Variants in TRPV1 observed in about 807,000 individuals in gnomAD.
TRPV1 encodes transient receptor potential cation channel subfamily V member 1.
TRPV1 carries 82 observed loss-of-function variants against 82.3 expected under a neutral mutation model. That is an observed-to-expected ratio of 1.00 (90% CI 0.83 to 1.20). The LOEUF (loss-of-function observed/expected upper bound fraction) is 1.20, where lower values mean the gene tolerates loss of function less well. TRPV1 is among the 50% of genes most tolerant of loss of function. The pLI is 0.00. For synonymous variants in TRPV1, 515 were observed against 467.7 expected, an observed-to-expected ratio of 1.10 and a Z score of -1.30; for missense variants, 1,067 against 1,096.8, an observed-to-expected ratio of 0.97 and a Z score of 0.38.
chr17:3,566,685 T>G lies in TRPV1; in HGVS notation c.*130A>C. Reference sequence around the variant, plus strand: ...CTTCCCACAGCTTGTCCAGCACAGATTTGGGAACATGCTGGGCAGGCACAG... The same window carrying G: ...CTTCCCACAGCTTGTCCAGCACAGAGTTGGGAACATGCTGGGCAGGCACAG... On this transcript the variant is annotated 3_prime_UTR_variant, in exon 17 of 17. Coordinates refer to ENST00000572705, the MANE Select transcript of TRPV1 (RefSeq NM_080704.4). 1 of 1,150,508 alleles carries G rather than the reference T, an allele frequency of 8.7e-7. No homozygotes were observed. Among genetic ancestry groups the G allele is most frequent in the Non-Finnish European group, 1.2e-6 (1 of 828,194 alleles). The allele number at this position is 1,150,508 out of a possible 1,614,324, so 71.3% of individuals were successfully genotyped here.
chr17:3,594,142 A>AAC (rs2075194766), intron 2 of TRPV1, among the ~76,000 whole-genome samples: 2 of 125,134 alleles, frequency 1.6e-5, no homozygotes, highest in South Asian at 2.2e-4. Flanking sequence ...AAAAAAAAAA[A>AAC]AAAAAAAAAA....
Position 3,591,166 on chromosome 17 carries a change from C to A in TRPV1, c.451+21G>T, listed in dbSNP as rs201049172. 3.1e-6 allele frequency: 5 copies of A among 1,607,752 alleles called. No individual in the cohort carries two copies. In the Admixed American group the frequency reaches 8.5e-5, roughly 27 times the overall value. ...GGCAGGCCAGGGCTGGGGCCCTCCC[C>A]GAGCCCAGCGCTGGGGCCACCTTTG... On this transcript the variant is annotated intron_variant, in intron 4 of 16. Transcript: ENST00000572705.
chr17:3,571,663 G>C (rs1046001039), intron 15 of TRPV1, 24 bp from the exon 16 acceptor site: 3 of 1,566,854 alleles, frequency 1.9e-6, no homozygotes, highest in Non-Finnish European at 2.6e-6. Context: ...GGTCGGGAGA[G>C]CCTGAGAGCT....
intron 12 of TRPV1, 109 bp downstream of exon 12, chr17:3,577,489 G>GCC: frequency 7.4e-7 from 1 of 1,355,602 alleles, no homozygotes; most frequent in Non-Finnish European, 1.0e-6. Flanking sequence ...GGGTAAACCA[G>GCC]CCCCTTCCCA....
intron 2 of TRPV1, among the ~76,000 whole-genome samples, chr17:3,598,563 CTTTTTTT>C (rs57290148): frequency 8.6e-6 from 1 of 116,794 alleles, no homozygotes; most frequent in Non-Finnish European, 1.7e-5. Context: ...CGCTTAGTCA[CTTTTTTT>C]TTTTTTTTTT....
intron 2 of TRPV1, among the ~76,000 whole-genome samples, chr17:3,596,166 G>A (rs1411548015): frequency 6.6e-6 from 1 of 152,212 alleles, no homozygotes; most frequent in Non-Finnish European, 1.5e-5. Context: ...GACGTGGTAT[G>A]ATCTGAGTCT....
rs534299926 is a variant in TRPV1, at chr17:3,576,995, C to T, written c.1780+131G>A. 4 of 881,808 alleles carry T rather than the reference C, an allele frequency of 4.5e-6. No individual in the cohort carries two copies. In the South Asian group the frequency reaches 6.8e-5, roughly 15 times the overall value. The allele number at this position is 881,808 out of a possible 1,614,324, so 54.6% of individuals were successfully genotyped here. On this transcript the variant is annotated intron_variant, in intron 13 of 16. Transcript: ENST00000572705. The stretch of plus-strand genomic sequence containing the variant: ...GAGCTCATTTCAGTGTGTCCTCTGT[C>T]CACCCTCTCAGTCACCTGCAGACAT...
chr17:3,586,011 C>T (rs2075081169), intron 8 of TRPV1, 85 bp from the exon 9 acceptor site: 1 of 1,537,542 alleles, frequency 6.5e-7, no homozygotes, highest in African/African-American at 1.4e-5. Flanking sequence ...CCCCTCACAG[C>T]CATGTGGCCC....
intron 2 of TRPV1, among the ~76,000 whole-genome samples, chr17:3,598,444 T>G (rs900788219): frequency 6.6e-6 from 1 of 152,062 alleles, no homozygotes. Context: ...GAGAAATGTG[T>G]GACGCTGGGC....
intron 14 of TRPV1, among the ~76,000 whole-genome samples, chr17:3,572,458 G>C (rs2074867879): frequency 6.6e-6 from 1 of 152,168 alleles, no homozygotes; most frequent in Non-Finnish European, 1.5e-5. Flanking sequence ...GCCCAGACCT[G>C]TCCAGGTGCC....
rs2074892098 is a variant in TRPV1 at position 3,573,778 on chromosome 17, T to C, written c.1958A>G (p.Asn653Ser). The C allele has an allele frequency of 6.2e-7, 1 of 1,613,864 alleles. No individual in the cohort carries two copies. Among genetic ancestry groups the C allele is most frequent in the Non-Finnish European group, 8.5e-7 (1 of 1,179,912 alleles). The change falls in exon 14 of 17, where the codon AAC becomes AGC. Residue 653 changes from asparagine to serine, a missense_variant. Asn to Ser is a conservative substitution (Grantham distance 46). Coordinates refer to ENST00000572705, the MANE Select transcript of TRPV1 (RefSeq NM_080704.4). ...GATGAAGACAGCCTTGAAGTCATAGTTCTCAGTGAACTCCAGGTCGCCCAT... is the reference window on the plus strand; with the variant it reads ...GATGAAGACAGCCTTGAAGTCATAGCTCTCAGTGAACTCCAGGTCGCCCAT... ...IGMGDLEFTENYDFKAVFIIL... is the reference protein window; with the variant it reads ...IGMGDLEFTESYDFKAVFIIL...
At chr17:3,587,477 T>A (rs539270736) in intron 8 of TRPV1, among the ~76,000 whole-genome samples, 2 of 152,302 alleles carry the variant, frequency 1.3e-5, no homozygotes, top group South Asian at 4.1e-4. Flanking sequence ...AAGACATTCA[T>A]TTGGAGCCAA....
intron 2 of TRPV1, among the ~76,000 whole-genome samples, chr17:3,606,116 G>A (rs2150861570): frequency 6.6e-6 from 1 of 152,208 alleles, no homozygotes; most frequent in Admixed American, 6.5e-5. Context: ...CGACCACCAT[G>A]CCCGGCTAAT....
At chr17:3,607,825 C>A (rs2075307238) in intron 2 of TRPV1, among the ~76,000 whole-genome samples, 1 of 152,092 alleles carries the variant, frequency 6.6e-6, no homozygotes, top group African/African-American at 2.4e-5. Context: ...GTGTGAGCCC[C>A]CACACCCAGC....
rs200059982 is a variant in TRPV1 at position 3,573,946 on chromosome 17, G to A, written c.1790C>T (p.Thr597Met). 28 of 1,602,758 alleles carry A rather than the reference G, an allele frequency of 1.7e-5. No individual in the cohort carries two copies. Among genetic ancestry groups the A allele is most frequent in the Middle Eastern group, 3.3e-4 (2 of 5,990 alleles). ...GTCATTCTTCCCGTCTTCAATCAGCGTCACCACCGCTACAGGGCACAGGGA... is the reference window on the plus strand; with the variant it reads ...GTCATTCTTCCCGTCTTCAATCAGCATCACCACCGCTACAGGGCACAGGGA... ...FLFGFSTAVV[T>M]LIEDGKNDSL... The change falls in exon 14 of 17, where the codon ACG (threonine) becomes ATG (methionine). Residue 597 changes from threonine (T) to methionine (M), a missense_variant. By Grantham distance (81) the Thr-to-Met change is moderately conservative. Coordinates refer to ENST00000572705, the MANE Select transcript of TRPV1 (RefSeq NM_080704.4).
At chr17:3,596,140 C>T (rs150497457) in intron 2 of TRPV1, among the ~76,000 whole-genome samples, 4 of 152,338 alleles carry the variant, frequency 2.6e-5, no homozygotes, top group East Asian at 3.9e-4. Flanking sequence ...CTAAAAGAAT[C>T]GATTCTGCCC....
At chr17:3,568,080 T>C (rs1480430288) in intron 16 of TRPV1, among the ~76,000 whole-genome samples, 1 of 151,980 alleles carries the variant, frequency 6.6e-6, no homozygotes, top group Non-Finnish European at 1.5e-5. Context: ...CCCAGCACTG[T>C]GGGAGGCCGA....
intron 14 of TRPV1, 83 bp downstream of exon 14, chr17:3,573,550 C>CCCCCCCCCCCCCCCT: frequency 3.5e-6 from 2 of 574,538 alleles, no homozygotes; most frequent in South Asian, 1.3e-4. Flanking sequence ...CACCCACCCA[C>CCCCCCCCCCCCCCCT]CTGCAGCCAG....
chr17:3,586,445 T>A (rs1009316547), intron 8 of TRPV1, among the ~76,000 whole-genome samples: 2 of 152,186 alleles, frequency 1.3e-5, no homozygotes, highest in African/African-American at 4.8e-5. Flanking sequence ...AAGTATGCTT[T>A]GGGGCAAATG....
Sources: allele counts gnomAD v4.1 joint callset (sites outside exome capture counted in the v4.1 genomes callset), GRCh38; gene constraint gnomAD v4.1.1; transcripts MANE v1.5; gene names NCBI Gene and HGNC (gene_info 2026-07-23, HGNC 2026-07-21).